Variants in TRPM4 observed in about 807,000 individuals in gnomAD.
TRPM4 encodes calcium-activated non-selective cation channel 1.
In TRPM4, 124 loss-of-function variants were observed where a neutral mutation model predicts 135.6. The observed-to-expected ratio is 0.91, with a 90% CI of 0.79 to 1.06. TRPM4 has a LOEUF of 1.06. Among genes scored for constraint, TRPM4 ranks in the 50% least tolerant of loss-of-function variants. The pLI is 0.00. For missense variants in TRPM4, 1,658 were observed against 1,671.4 expected (o/e 0.99, Z 0.14); for synonymous variants, 745 against 705.6 (o/e 1.06, Z -0.88).
At chr19:49,202,881 CTTTTT>C (rs752188238) in intron 20 of TRPM4, among the ~76,000 whole-genome samples, 28 of 109,618 alleles carry the variant, frequency 2.6e-4, no homozygotes, top group Non-Finnish European at 3.0e-4. Flanking sequence ...ATTTTTACTT[CTTTTT>C]TTTTTTTTTT....
chr19:49,191,741 G>T (rs374229515), intron 16 of TRPM4, among the ~76,000 whole-genome samples: 1 of 152,024 alleles, frequency 6.6e-6, no homozygotes, highest in African/African-American at 2.4e-5. Context: ...CTTGTGATCC[G>T]CCCGCCTCAG....
At chr19:49,159,775 G>T (rs938068574) in intron 2 of TRPM4, 1 of 152,208 alleles carries the variant, frequency 6.6e-6, no homozygotes, top group Admixed American at 6.5e-5. Context: ...GAGCCACCGC[G>T]CCCAGCCCTC....
chr19:49,179,334 C>T (rs1967827168), intron 9 of TRPM4, among the ~76,000 whole-genome samples: 1 of 151,986 alleles, frequency 6.6e-6, no homozygotes, highest in South Asian at 2.1e-4. Flanking sequence ...GGATTACAGG[C>T]ATGAGCCACA....
intron 4 of TRPM4, 32 bp downstream of exon 4, chr19:49,168,129 G>T: frequency 6.3e-7 from 1 of 1,593,404 alleles, no homozygotes. Context: ...CTGTCTCCTG[G>T]GCCTCGGCCT....
chr19:49,208,613 A>G (rs1969237933), intron 20 of TRPM4, among the ~76,000 whole-genome samples: 1 of 152,060 alleles, frequency 6.6e-6, no homozygotes, highest in Admixed American at 6.6e-5. Flanking sequence ...TAATATTGAA[A>G]TAAAGAGTAA....
chr19:49,197,328 C>CT (rs773453506), intron 17 of TRPM4, among the ~76,000 whole-genome samples: 2 of 118,900 alleles, frequency 1.7e-5, no homozygotes, highest in African/African-American at 4.5e-5. Flanking sequence ...TTCTTTCTTT[C>CT]TTTCTTTCTT....
chr19:49,171,431 G>A lies in TRPM4; in HGVS notation c.858+13G>A, dbSNP rs1004303871. On this transcript the variant is annotated intron_variant, in intron 7 of 24. Coordinates refer to ENST00000252826, the MANE Select transcript of TRPM4 (RefSeq NM_017636.4). This position sits in a 1 kb window ranked among gnomAD's most constrained non-coding sequence, Gnocchi z 4.7. ...GAAGATGTTGACGGTATAGGGGCCCGGATGCCCGGATCTAAGGGGGAAGGA... is the reference window on the plus strand; with the variant it reads ...GAAGATGTTGACGGTATAGGGGCCCAGATGCCCGGATCTAAGGGGGAAGGA... 16 of 1,614,048 alleles carry A rather than the reference G, an allele frequency of 9.9e-6. No individual in the cohort carries two copies. In the South Asian group the frequency reaches 1.1e-4, roughly 11 times the overall value.
chr19:49,211,016 G>A lies in TRPM4; in HGVS notation c.3463G>A (p.Val1155Met). ...SERLKRTSQK[V>M]DLALKQLGHI... ...CGGTAAGAGGCCCTCCCTTCTCAGG[G>A]TGGACTTGGCACTGAAACAGCTGGG... The change falls in exon 23 of 25, where the codon GTG (valine) becomes ATG (methionine). Residue 1155 changes from valine to methionine, a missense_variant and splice_region_variant. Around this residue, in one of 3 missense-constraint regions of TRPM4, gnomAD observed 1,412 missense variants for 1,408.7 expected, o/e 1.00. Coordinates refer to ENST00000252826, the MANE Select transcript of TRPM4 (RefSeq NM_017636.4). The surrounding 1 kb of genome is among the most constrained non-coding windows in gnomAD (Gnocchi z 4.8). 6.2e-7 allele frequency: 1 copy of A among 1,613,986 alleles called. No individual in the cohort carries two copies.
intron 14 of TRPM4, among the ~76,000 whole-genome samples, chr19:49,189,710 C>T (rs1408696354): frequency 6.6e-6 from 1 of 152,116 alleles, no homozygotes; most frequent in African/African-American, 2.4e-5. Context: ...GACAGGGGCT[C>T]AGAGTCCCAC....
intron 2 of TRPM4, among the ~76,000 whole-genome samples, chr19:49,160,957 G>A (rs1345622260): frequency 2.6e-5 from 4 of 152,036 alleles, no homozygotes; most frequent in Admixed American, 6.6e-5. Context: ...GGATGGCTCC[G>A]GGACGTATGC....
At chr19:49,165,895 C>A (rs764330536) in intron 2 of TRPM4, 146 bp from the exon 3 acceptor site, 31 of 824,876 alleles carry the variant, frequency 3.8e-5, no homozygotes, top group Non-Finnish European at 5.4e-5. Context: ...CCGTCAGAGC[C>A]AGGGCCAGGG....
In TRPM4 at chr19:49,158,193, G is replaced by C; in HGVS notation, c.26G>C (p.Ser9Thr). The stretch of plus-strand genomic sequence containing the variant: ...CCCTACATTTGTTCCTGTCCCCAGA[G>C]CTGGATCCCCAAGATCTTCAAGAAG... MVVPEKEQ[S>T]WIPKIFKKKT... The change falls in exon 2 of 25, where the codon AGC becomes ACC. Residue 9 changes from serine to threonine, a missense_variant and splice_region_variant. Ser to Thr is a moderately conservative substitution (Grantham distance 58). Around this residue, in one of 3 missense-constraint regions of TRPM4, gnomAD observed 239 missense variants for 240.1 expected, o/e 1.00. Transcript: ENST00000252826. The C allele has an allele frequency of 6.2e-7, 1 of 1,613,886 alleles. No individual in the cohort carries two copies. The highest frequency in any genetic ancestry group is 8.5e-7 in the Non-Finnish European group (1 of 1,179,926).
intron 20 of TRPM4, among the ~76,000 whole-genome samples, chr19:49,206,049 ATCC>A (rs1969138176): frequency 1.3e-5 from 2 of 152,070 alleles, no homozygotes; most frequent in Middle Eastern, 3.4e-3. Context: ...CAACATCCGC[ATCC>A]TGGATTCAAA....
At chr19:49,204,982 G>GTTT (rs756332219) in intron 20 of TRPM4, among the ~76,000 whole-genome samples, 627 of 60,474 alleles carry the variant, frequency 0.01, 3 homozygotes, top group Non-Finnish European at 0.013. Flanking sequence ...GGCTTTGGTT[G>GTTT]TTTTTTTTTT....
At chr19:49,184,514 G>A (rs1189887454) in intron 12 of TRPM4, among the ~76,000 whole-genome samples, 3 of 128,414 alleles carry the variant, frequency 2.3e-5, no homozygotes, top group Non-Finnish European at 4.7e-5. Flanking sequence ...AGGCTGGAGT[G>A]CAGTGGCTCA....
intron 9 of TRPM4, among the ~76,000 whole-genome samples, chr19:49,175,116 T>C (rs1600432543): frequency 2.7e-5 from 4 of 146,730 alleles, no homozygotes; most frequent in South Asian, 2.2e-4. Flanking sequence ...GCTCTTGTTG[T>C]CCAGGCTGGA....
At chr19:49,206,298 A>G (rs1241562695) in intron 20 of TRPM4, among the ~76,000 whole-genome samples, 1 of 152,060 alleles carries the variant, frequency 6.6e-6, no homozygotes, top group East Asian at 1.9e-4. Flanking sequence ...GCAAATTTTG[A>G]CATTGGAAGT....
At chr19:49,170,857 G>A (rs904947710) in intron 6 of TRPM4, among the ~76,000 whole-genome samples, 2 of 152,142 alleles carry the variant, frequency 1.3e-5, no homozygotes, top group African/African-American at 4.8e-5. Context: ...CAAGGTGGGA[G>A]GATCCCTTGA....
rs1202986136 is a variant in TRPM4, at chr19:49,210,079, C to G, written c.3132-130C>G. Reference sequence around the variant, plus strand: ...CTGACTTCTAATCGCATCCTGTAACCTCTGACTTTAGTGATCTTGACTTCT... The same window carrying G: ...CTGACTTCTAATCGCATCCTGTAACGTCTGACTTTAGTGATCTTGACTTCT... On this transcript the variant is annotated intron_variant, in intron 20 of 24. Coordinates refer to ENST00000252826, the MANE Select transcript of TRPM4 (RefSeq NM_017636.4). This position sits in a 1 kb window ranked among gnomAD's most constrained non-coding sequence, Gnocchi z 4.1. 1 of 1,044,604 alleles carries G rather than the reference C, an allele frequency of 9.6e-7. No homozygotes were observed. The highest frequency in any genetic ancestry group is 1.5e-6 in the Non-Finnish European group (1 of 668,910). 64.7% of individuals were successfully genotyped at this position (1,044,604 alleles called of 1,614,324 possible).
Sources: allele counts gnomAD v4.1 joint callset (sites outside exome capture counted in the v4.1 genomes callset), GRCh38; gene constraint gnomAD v4.1.1; regional missense constraint gnomAD v4.1.1; non-coding constraint Gnocchi (gnomAD v3.1); transcripts MANE v1.5; gene names NCBI Gene and HGNC (gene_info 2026-07-23, HGNC 2026-07-21).